HIVEP2: variants seen among roughly 807,000 people sequenced by gnomAD.
HIVEP2 encodes HIVEP zinc finger 2.
Under a neutral mutation model 180.7 loss-of-function variants are expected in HIVEP2, and 14 were observed. The observed-to-expected ratio is 0.08, with a 90% confidence interval of 0.05 to 0.12. The LOEUF is 0.12. Ranked by LOEUF, HIVEP2 falls within the 10% of genes least tolerant of loss-of-function variation. The probability of loss-of-function intolerance (pLI) is 1.00; values close to 1 mark genes in which losing one functional copy is unlikely to be tolerated. For missense variants in HIVEP2, 2,579 were observed against 3,008.5 expected (o/e 0.86, Z 3.34); for synonymous variants, 1,184 against 1,136.4 (o/e 1.04, Z -0.84).
chr6:142,925,762 A>C (rs1300549273), intron 1 of HIVEP2, among the ~76,000 whole-genome samples: 1 of 152,204 alleles, frequency 6.6e-6, no homozygotes, highest in Admixed American at 6.5e-5. Context: ...GTTTAACTTA[A>C]ACATGTAAAC....
chr6:142,901,311 G>T (rs72997007), intron 1 of HIVEP2, among the ~76,000 whole-genome samples: 2 of 151,996 alleles, frequency 1.3e-5, no homozygotes, highest in South Asian at 4.1e-4. Context: ...ATAAAACGTC[G>T]CATAACCAGT....
At chr6:142,850,176 A>C (rs1582911665) in intron 1 of HIVEP2, among the ~76,000 whole-genome samples, 2 of 152,206 alleles carry the variant, frequency 1.3e-5, no homozygotes, top group Non-Finnish European at 1.5e-5. Context: ...TGTTTTCAAG[A>C]TGGAAGGGAT....
rs1342669704 is a variant in HIVEP2 at position 142,827,696 on chromosome 6, A to T, written c.-528+9239T>A. ...AGGGAAGGAGTGGGAAGGAGGAAGG[A>T]GGTAGCAGGGAGGAGGAGGAAAGCT... On this transcript the variant is annotated intron_variant, in intron 2 of 9. Coordinates refer to ENST00000367603, the MANE Select transcript of HIVEP2 (RefSeq NM_006734.4). Among the ~76,000 whole-genome samples, 5 of 152,208 alleles carry T rather than the reference A, an allele frequency of 3.3e-5. No homozygotes were observed. In the East Asian group the frequency reaches 9.6e-4, roughly 29 times the overall value.
At chr6:142,786,852 T>C (rs758843637) in intron 2 of HIVEP2, among the ~76,000 whole-genome samples, 2 of 152,176 alleles carry the variant, frequency 1.3e-5, no homozygotes, top group Non-Finnish European at 2.9e-5. Context: ...TTGGCAGAAC[T>C]CTCAAGTACC....
chr6:142,873,229 G>A (rs879932374), intron 1 of HIVEP2, among the ~76,000 whole-genome samples: 3 of 152,102 alleles, frequency 2.0e-5, no homozygotes, highest in Non-Finnish European at 4.4e-5. Flanking sequence ...GCCACCTTTT[G>A]GGAAATCCTT....
At chr6:142,873,674 G>A (rs562520792) in intron 1 of HIVEP2, among the ~76,000 whole-genome samples, 2 of 152,010 alleles carry the variant, frequency 1.3e-5, no homozygotes, top group East Asian at 1.9e-4. Context: ...ATCATATAGC[G>A]CTAGGTTCAT....
chr6:142,820,492 T>C (rs555409038), intron 2 of HIVEP2, among the ~76,000 whole-genome samples: 1 of 152,300 alleles, frequency 6.6e-6, no homozygotes, highest in South Asian at 2.1e-4. Flanking sequence ...CCCATGAAGT[T>C]TGGGACAGCA....
At chr6:142,917,076 C>T (rs1221192302) in intron 1 of HIVEP2, among the ~76,000 whole-genome samples, 1 of 152,166 alleles carries the variant, frequency 6.6e-6, no homozygotes, top group Admixed American at 6.5e-5. Context: ...AATAATTATG[C>T]TGCCATAAGC....
Position 142,760,396 on chromosome 6 carries a change from T to C in HIVEP2, c.5892A>G (p.Gly1964=), listed in dbSNP as rs200019864. 342 of 1,614,182 alleles carry C rather than the reference T, an allele frequency of 2.1e-4. 4 individuals are homozygous for C. In the Middle Eastern group the frequency reaches 4.0e-3, roughly 19 times the overall value. ...PHGVPSDSSL[G]HSSLISYLVT... Reference sequence around the variant, plus strand: ...CCAAATAGCTGATCAACGAAGAATGTCCCAGGGAACTATCTGAAGGAACCC... The same window carrying C: ...CCAAATAGCTGATCAACGAAGAATGCCCCAGGGAACTATCTGAAGGAACCC... The change falls in exon 9 of 10, where the codon GGA becomes GGG. Residue 1964 remains glycine (G), a synonymous_variant. Transcript: ENST00000367603.
At chr6:142,806,023 A>G (rs1474324913) in intron 2 of HIVEP2, among the ~76,000 whole-genome samples, 2 of 152,158 alleles carry the variant, frequency 1.3e-5, no homozygotes, top group Non-Finnish European at 1.5e-5. Flanking sequence ...ATACATCTAC[A>G]CATTAACTAA....
At position 142,773,149 on chromosome 6, in the gene HIVEP2, G is replaced by A. The variant is rs1775598719; in HGVS notation, c.1590C>T (p.Leu530=). 6.2e-7 allele frequency: 1 copy of A among 1,614,248 alleles called. No individual in the cohort carries two copies. The highest frequency in any genetic ancestry group is 8.5e-7 in the Non-Finnish European group (1 of 1,180,044). The part of the protein sequence containing the change: ...PANFQGSNPV[L]LEAPVDSSPL... ...GTGAAGAGTCTACAGGAGCTTCTAA[G>A]AGAACCGGGTTGCTGCCTTGGAAGT... is the stretch of plus-strand genomic sequence containing the variant. Residue 530 remains leucine, a synonymous_variant, in exon 5 of 10, where the codon CTC becomes CTT. Coordinates refer to ENST00000367603, the MANE Select transcript of HIVEP2 (RefSeq NM_006734.4).
At chr6:142,867,537 C>T (rs564853357) in intron 1 of HIVEP2, among the ~76,000 whole-genome samples, 2 of 152,278 alleles carry the variant, frequency 1.3e-5, no homozygotes, top group Admixed American at 6.5e-5. Flanking sequence ...ACTCTTCCTC[C>T]ACCCACTTCA....
intron 2 of HIVEP2, among the ~76,000 whole-genome samples, chr6:142,822,596 T>G (rs1777069617): frequency 6.6e-6 from 1 of 152,186 alleles, no homozygotes; most frequent in South Asian, 2.1e-4. Context: ...ATGAAACAGT[T>G]TTTTTCTCAA....
At chr6:142,823,116 T>A (rs1168079773) in intron 2 of HIVEP2, among the ~76,000 whole-genome samples, 1 of 152,084 alleles carries the variant, frequency 6.6e-6, no homozygotes, top group Non-Finnish European at 1.5e-5. Context: ...CCTAGCGTCC[T>A]CAGGAAGGAA....
chr6:142,847,903 G>A (rs1187249306), intron 1 of HIVEP2, among the ~76,000 whole-genome samples: 3 of 152,096 alleles, frequency 2.0e-5, no homozygotes, highest in Non-Finnish European at 4.4e-5. Flanking sequence ...CAGGAAACAT[G>A]TTTCTTATTT....
intron 1 of HIVEP2, among the ~76,000 whole-genome samples, chr6:142,933,411 A>G (rs944436383): frequency 1.3e-5 from 2 of 152,248 alleles, no homozygotes; most frequent in African/African-American, 4.8e-5. Flanking sequence ...AAGGCTTAGT[A>G]TAATAATAGC....
intron 2 of HIVEP2, among the ~76,000 whole-genome samples, chr6:142,799,151 ATTACT>A (rs1401385452): frequency 1.3e-5 from 2 of 152,204 alleles, no homozygotes; most frequent in Non-Finnish European, 2.9e-5. Flanking sequence ...AACATGAAAT[ATTACT>A]TAAAGCATGA....
chr6:142,867,454 C>T (rs1003671165), intron 1 of HIVEP2, among the ~76,000 whole-genome samples: 7 of 152,146 alleles, frequency 4.6e-5, no homozygotes, highest in African/African-American at 7.2e-5. Flanking sequence ...CTTCTACAAG[C>T]CAGTTGTTAT....
intron 1 of HIVEP2, among the ~76,000 whole-genome samples, chr6:142,868,701 T>C (rs552171238): frequency 6.5e-4 from 99 of 152,322 alleles, no homozygotes; most frequent in African/African-American, 2.2e-3. Flanking sequence ...ATCATTATTA[T>C]AAATTAATTC....
Sources: allele counts gnomAD v4.1 joint callset (sites outside exome capture counted in the v4.1 genomes callset), GRCh38; gene constraint gnomAD v4.1.1; transcripts MANE v1.5; gene names NCBI Gene and HGNC (gene_info 2026-07-23, HGNC 2026-07-21).